CAMTA1: variants seen among roughly 807,000 people sequenced by gnomAD.
The protein encoded by CAMTA1 is calmodulin-binding transcription activator 1.
A neutral mutation model predicts 170.9 loss-of-function variants in CAMTA1; 27 were observed. The observed-to-expected ratio is 0.16, with a 90% CI of 0.12 to 0.22. The LOEUF (loss-of-function observed/expected upper bound fraction) is 0.22, where lower values mean the gene tolerates loss of function less well. Among genes scored for constraint, CAMTA1 ranks in the 10% least tolerant of loss-of-function variants. The pLI, the probability that CAMTA1 is intolerant of heterozygous loss-of-function variation, is 1.00. For missense variants in CAMTA1, 1,619 were observed against 2,217.2 expected (o/e 0.73, Z 5.42); for synonymous variants, 833 against 891.5 (o/e 0.93, Z 1.17).
At chr1:6,997,355 T>G (rs1005158980) in intron 3 of CAMTA1, among the ~76,000 whole-genome samples, 1 of 152,188 alleles carries the variant, frequency 6.6e-6, no homozygotes, top group Admixed American at 6.5e-5. Context: ...TTTGCAGCCC[T>G]GTCAGATGTT....
At chr1:7,428,354 T>A (rs2091974144) in intron 5 of CAMTA1, among the ~76,000 whole-genome samples, 1 of 151,846 alleles carries the variant, frequency 6.6e-6, no homozygotes, top group African/African-American at 2.4e-5. Context: ...GTTGTATGAA[T>A]GGGATCTTTG....
intron 6 of CAMTA1, among the ~76,000 whole-genome samples, chr1:7,612,429 C>T (rs567728261): frequency 6.6e-6 from 1 of 152,340 alleles, no homozygotes. Context: ...TGCCCCTCTG[C>T]TCATCTGTCT....
chr1:7,108,936 G>C (rs151244502), intron 4 of CAMTA1, among the ~76,000 whole-genome samples: 47 of 152,248 alleles, frequency 3.1e-4, no homozygotes, highest in Non-Finnish European at 6.2e-4. Flanking sequence ...ACTGAGGCAG[G>C]ATCCACTCCC....
At chr1:7,135,263 C>T (rs1443019848) in intron 4 of CAMTA1, among the ~76,000 whole-genome samples, 6 of 152,130 alleles carry the variant, frequency 3.9e-5, no homozygotes, top group Admixed American at 3.9e-4. Context: ...TGGTGGGTGT[C>T]TGTAATCCCA....
At chr1:7,136,820 T>C (rs550467577) in intron 4 of CAMTA1, among the ~76,000 whole-genome samples, 2 of 152,358 alleles carry the variant, frequency 1.3e-5, no homozygotes, top group East Asian at 3.9e-4. Context: ...CCTCAGAGAC[T>C]GCTCCTTCTT....
chr1:6,835,561 C>A (rs905048807), intron 3 of CAMTA1, among the ~76,000 whole-genome samples: 2 of 152,208 alleles, frequency 1.3e-5, no homozygotes, highest in African/African-American at 2.4e-5. Flanking sequence ...AGTTTCTGTT[C>A]CAGTAGGTCC....
At chr1:7,069,977 C>T (rs891542482) in intron 3 of CAMTA1, among the ~76,000 whole-genome samples, 1 of 152,264 alleles carries the variant, frequency 6.6e-6, no homozygotes. Context: ...GCGCCTGCTA[C>T]TCCTTGCCGC....
chr1:7,526,336 C>T (rs1365641258), intron 6 of CAMTA1, among the ~76,000 whole-genome samples: 1 of 152,120 alleles, frequency 6.6e-6, no homozygotes, highest in African/African-American at 2.4e-5. Flanking sequence ...CACCAAAGCC[C>T]CAGGCCCACC....
At chr1:7,091,393 T>G in intron 4 of CAMTA1, 22 bp downstream of exon 4, 1 of 1,573,428 alleles carries the variant, frequency 6.4e-7, no homozygotes, top group Non-Finnish European at 8.7e-7. Flanking sequence ...GATCTTGCAG[T>G]TTTTCAAATG....
chr1:7,181,115 G>T (rs1652066175), intron 4 of CAMTA1, among the ~76,000 whole-genome samples: 1 of 152,110 alleles, frequency 6.6e-6, no homozygotes. Flanking sequence ...AAATCTATTA[G>T]TGTACTATAT....
chr1:7,017,968 TG>T (rs939523295), intron 3 of CAMTA1, among the ~76,000 whole-genome samples: 19 of 96,442 alleles, frequency 2.0e-4, no homozygotes, highest in African/African-American at 7.5e-4. Flanking sequence ...CAAGGTTTTT[TG>T]TTTTTTTTTT....
intron 5 of CAMTA1, among the ~76,000 whole-genome samples, chr1:7,436,689 G>A (rs530063377): frequency 8.3e-4 from 126 of 152,290 alleles, no homozygotes; most frequent in African/African-American, 2.8e-3. Flanking sequence ...CGGGCCTGTG[G>A]CATCTGAAAG....
intron 5 of CAMTA1, among the ~76,000 whole-genome samples, chr1:7,263,407 T>C (rs1668459339): frequency 6.6e-6 from 1 of 152,242 alleles, no homozygotes; most frequent in Non-Finnish European, 1.5e-5. Flanking sequence ...CTTTAACTGA[T>C]ATAATGCAAA....
At chr1:7,042,508 C>A (rs1339900222) in intron 3 of CAMTA1, among the ~76,000 whole-genome samples, 1 of 152,234 alleles carries the variant, frequency 6.6e-6, no homozygotes, top group African/African-American at 2.4e-5. Context: ...ACCCTTCCTC[C>A]CCCTGAGCTC....
chr1:7,430,218 A>ATGG (rs202165973), intron 5 of CAMTA1, among the ~76,000 whole-genome samples: 4 of 150,916 alleles, frequency 2.7e-5, no homozygotes, highest in African/African-American at 9.8e-5. Flanking sequence ...GATGGTGATT[A>ATGG]TGGTGGTGAT....
chr1:7,151,328 T>C (rs991500179), intron 4 of CAMTA1, among the ~76,000 whole-genome samples: 1 of 152,232 alleles, frequency 6.6e-6, no homozygotes, highest in Non-Finnish European at 1.5e-5. Flanking sequence ...CATTAGCATC[T>C]GGGCAGGCCT....
At position 7,588,196 on chromosome 1, in the gene CAMTA1, G is replaced by A. The variant is rs1283955045; in HGVS notation, c.511-52204G>A. ...TGGCAAGGTCTCTCTCTGCCTCTCA[G>A]CCAGGAAAATCCCTACCCCAGGACA... is the stretch of plus-strand genomic sequence containing the variant. On this transcript the variant is annotated intron_variant, in intron 6 of 22. Transcript: ENST00000303635. The surrounding 1 kb of genome is among the most constrained non-coding windows in gnomAD (Gnocchi z 5.8). 2.0e-5 allele frequency among the ~76,000 whole-genome samples: 3 copies of A among 152,046 alleles called. No individual in the cohort carries two copies. Among genetic ancestry groups the A allele is most frequent in the East Asian group, 1.9e-4 (1 of 5,154 alleles).
intron 3 of CAMTA1, among the ~76,000 whole-genome samples, chr1:6,924,261 G>T (rs1682633718): frequency 6.6e-6 from 1 of 152,232 alleles, no homozygotes; most frequent in Admixed American, 6.5e-5. Context: ...TAAAGATGGT[G>T]CAAAGGCCGA....
intron 1 of CAMTA1, among the ~76,000 whole-genome samples, chr1:6,805,778 T>C (rs1451012726): frequency 9.9e-5 from 15 of 152,226 alleles, no homozygotes. Flanking sequence ...CCCAAAATGC[T>C]GGGATTACAA....
Sources: allele counts gnomAD v4.1 joint callset (sites outside exome capture counted in the v4.1 genomes callset), GRCh38; gene constraint gnomAD v4.1.1; non-coding constraint Gnocchi (gnomAD v3.1); transcripts MANE v1.5; gene names NCBI Gene and HGNC (gene_info 2026-07-23, HGNC 2026-07-21).